MIA2: variants seen among roughly 807,000 people sequenced by gnomAD.
The protein encoded by MIA2 is melanoma inhibitory activity protein 2.
A neutral mutation model predicts 167.8 loss-of-function variants in MIA2; 127 were observed. The ratio of observed to expected loss-of-function variants is 0.76; its 90% CI spans 0.66 to 0.88. The LOEUF is 0.88. Among genes scored for constraint, MIA2 ranks in the 40% least tolerant of loss-of-function variants. MIA2 has a pLI of 0.00. For missense variants in MIA2, 1,690 were observed against 1,624.7 expected (o/e 1.04, Z -0.69); for synonymous variants, 552 against 541.9 (o/e 1.02, Z -0.26).
chr14:39,356,215 T>C (rs1055787382), downstream of MIA2, among the ~76,000 whole-genome samples: 19 of 152,206 alleles, frequency 1.2e-4, no homozygotes, highest in African/African-American at 4.6e-4. Flanking sequence ...CTATTAATTA[T>C]TGCCTCAGTT....
At chr14:39,313,498 T>C in intron 19 of MIA2, 57 bp downstream of exon 19, 2 of 924,438 alleles carry the variant, frequency 2.2e-6, no homozygotes. Flanking sequence ...TCTAAAAAAC[T>C]TAATGCCAGA....
chr14:39,239,270 G>T (rs2053934807), intron 2 of MIA2, among the ~76,000 whole-genome samples: 1 of 152,182 alleles, frequency 6.6e-6, no homozygotes, highest in Non-Finnish European at 1.5e-5. Flanking sequence ...CTAAGGCCAG[G>T]TGTGGTGGCT....
At chr14:39,238,858 GA>G (rs2053916622) in intron 2 of MIA2, among the ~76,000 whole-genome samples, 1 of 145,262 alleles carries the variant, frequency 6.9e-6, no homozygotes, top group Non-Finnish European at 1.5e-5. Context: ...TATTTGGCCC[GA>G]AGCTTTAGTA....
intron 9 of MIA2, among the ~76,000 whole-genome samples, chr14:39,284,170 GAGTTTTGT>G (rs1166118742): frequency 6.6e-6 from 1 of 152,080 alleles, no homozygotes; most frequent in Non-Finnish European, 1.5e-5. Flanking sequence ...TTTCTTCTAG[GAGTTTTGT>G]AGTTTCAGGT....
At chr14:39,267,134 C>G in intron 6 of MIA2, 2 of 1,154,448 alleles carry the variant, frequency 1.7e-6, no homozygotes, top group Non-Finnish European at 2.1e-6. Flanking sequence ...CGCCTCCCCG[C>G]CTTCTCGCGG....
chr14:39,240,721 G>A (rs2053999463), intron 3 of MIA2, 74 bp downstream of exon 3: 1 of 1,018,256 alleles, frequency 9.8e-7, no homozygotes, highest in African/African-American at 1.6e-5. Flanking sequence ...AGGTATCAGT[G>A]CCTATTGGTT....
chr14:39,267,039 G>A (rs1001138835), intron 6 of MIA2: 4 of 1,029,904 alleles, frequency 3.9e-6, no homozygotes, highest in African/African-American at 1.7e-5. Flanking sequence ...GGCTTCGCCA[G>A]GTAGAGCGCC....
intron 6 of MIA2, chr14:39,269,083 T>A: frequency 2.2e-6 from 2 of 926,590 alleles, no homozygotes; most frequent in Non-Finnish European, 1.3e-6. Flanking sequence ...AGTTTTTTTT[T>A]TTTTTTTTTT....
chr14:39,301,031 C>CAT (rs2062390801), intron 14 of MIA2, among the ~76,000 whole-genome samples: 1 of 84,096 alleles, frequency 1.2e-5, no homozygotes, highest in African/African-American at 5.4e-5. Context: ...CACATATATA[C>CAT]ATATACATAC....
intron 9 of MIA2, among the ~76,000 whole-genome samples, chr14:39,288,878 C>G (rs1014502682): frequency 3.3e-5 from 5 of 152,104 alleles, no homozygotes; most frequent in African/African-American, 9.7e-5. Context: ...AGGATTTTTG[C>G]ATCAGTGTTC....
At chr14:39,359,480 C>G (rs182799499) in intron 23 of MIA2, among the ~76,000 whole-genome samples, 3 of 152,146 alleles carry the variant, frequency 2.0e-5, no homozygotes, top group African/African-American at 4.8e-5. Flanking sequence ...AAAGGGAGTT[C>G]CCTGACTCCT....
intron 18 of MIA2, among the ~76,000 whole-genome samples, chr14:39,310,978 A>G (rs898040965): frequency 6.6e-6 from 1 of 152,180 alleles, no homozygotes; most frequent in Non-Finnish European, 1.5e-5. Context: ...TAAAACTTGG[A>G]TATAAAAGTG....
chr14:39,238,568 G>A (rs576800579), intron 2 of MIA2, among the ~76,000 whole-genome samples: 1 of 152,048 alleles, frequency 6.6e-6, no homozygotes, highest in South Asian at 2.1e-4. Flanking sequence ...GCTAAAGTGG[G>A]CGGATCACTT....
chr14:39,353,278 A>T (rs1257435190), downstream of MIA2, among the ~76,000 whole-genome samples: 1 of 152,190 alleles, frequency 6.6e-6, no homozygotes, highest in Non-Finnish European at 1.5e-5. Flanking sequence ...ATTATCAAAG[A>T]TTAGAATTTA....
intron 9 of MIA2, 56 bp from the exon 10 acceptor site, chr14:39,290,963 A>G: frequency 2.1e-6 from 3 of 1,443,356 alleles, no homozygotes; most frequent in Non-Finnish European, 2.9e-6. Context: ...ATCTATCCAG[A>G]TAAGATTTAG....
At chr14:39,237,175 C>A in intron 2 of MIA2, 120 bp downstream of exon 2, 1 of 1,113,444 alleles carries the variant, frequency 9.0e-7, no homozygotes, top group Non-Finnish European at 1.3e-6. Context: ...GGCTGGAATG[C>A]AGTGGTGTGA....
At chr14:39,234,481 CTTTTACTATTTT>C (rs1264991802) in intron 1 of MIA2, among the ~76,000 whole-genome samples, 1 of 151,806 alleles carries the variant, frequency 6.6e-6, no homozygotes, top group Non-Finnish European at 1.5e-5. Context: ...CTAGTCAGTC[CTTTTACTATTTT>C]TAAAGATTAA....
chr14:39,282,889 A>T (rs1480114316), intron 9 of MIA2, among the ~76,000 whole-genome samples: 1 of 152,108 alleles, frequency 6.6e-6, no homozygotes, highest in Non-Finnish European at 1.5e-5. Flanking sequence ...TCTGACCTAC[A>T]TGTTTCTTCC....
intron 6 of MIA2, chr14:39,267,439 C>G (rs1422206900): frequency 6.2e-7 from 1 of 1,611,240 alleles, no homozygotes; most frequent in South Asian, 1.1e-5. Context: ...CTGTGGCGAC[C>G]ACGAGAGCAG....
Sources: gnomAD v4.1 joint callset for allele counts (sites outside exome capture counted in the v4.1 genomes callset) on GRCh38, gnomAD v4.1.1 for gene constraint, MANE v1.5 for transcripts, NCBI Gene and HGNC (gene_info 2026-07-23, HGNC 2026-07-21) for gene names.